STRBP: variants seen among roughly 807,000 people sequenced by gnomAD.
STRBP encodes the protein spermatid perinuclear RNA-binding protein.
In STRBP, 13 loss-of-function variants were observed where a neutral mutation model predicts 80.1. The observed-to-expected ratio is 0.16, with a 90% CI of 0.11 to 0.26. The LOEUF (loss-of-function observed/expected upper bound fraction) is 0.26. STRBP is among the 10% of genes least tolerant of loss of function. The probability of loss-of-function intolerance (pLI) is 1.00; values close to 1 mark genes in which losing one functional copy is unlikely to be tolerated. For missense variants in STRBP, 485 were observed against 815.2 expected, an observed-to-expected ratio of 0.59 and a Z score of 4.93; for synonymous variants, 284 against 291.2, an observed-to-expected ratio of 0.98 and a Z score of 0.25.
intron 1 of STRBP, among the ~76,000 whole-genome samples, chr9:123,254,252 G>C: frequency 6.6e-6 from 1 of 151,914 alleles, no homozygotes; most frequent in African/African-American, 2.4e-5. Context: ...TGCCAGTCAG[G>C]AGATCGAGAC....
intron 3 of STRBP, chr9:123,109,783 GTAA>G (rs1395983716): frequency 6.6e-6 from 1 of 152,200 alleles, no homozygotes; most frequent in Non-Finnish European, 1.5e-5. Flanking sequence ...AGTCCTACAT[GTAA>G]TAATTGCCTC....
downstream of STRBP, among the ~76,000 whole-genome samples, chr9:123,117,847 G>C (rs893668522): frequency 2.0e-5 from 3 of 152,186 alleles, no homozygotes; most frequent in Non-Finnish European, 4.4e-5. Flanking sequence ...ACATACCTCA[G>C]ATTTCACTGA....
chr9:123,137,878 T>C (rs1002846134), intron 14 of STRBP, among the ~76,000 whole-genome samples: 3 of 152,210 alleles, frequency 2.0e-5, no homozygotes, highest in Non-Finnish European at 4.4e-5. Flanking sequence ...CTCTTCTTGA[T>C]GAGTTTTTAT....
chr9:123,225,578 A>T (rs2132565015), intron 2 of STRBP, among the ~76,000 whole-genome samples: 1 of 152,358 alleles, frequency 6.6e-6, no homozygotes, highest in African/African-American at 2.4e-5. Flanking sequence ...CTGGGTCCTC[A>T]GAAAATCTAT....
chr9:123,160,280 T>C (rs2037469656), intron 8 of STRBP, 87 bp downstream of exon 8: 2 of 874,952 alleles, frequency 2.3e-6, no homozygotes, highest in Non-Finnish European at 3.4e-6. Context: ...ACTTAGGAGA[T>C]AGCCATTTTA....
At chr9:123,144,322 T>G (rs1194979312) in intron 13 of STRBP, among the ~76,000 whole-genome samples, 2 of 152,204 alleles carry the variant, frequency 1.3e-5, no homozygotes, top group East Asian at 3.8e-4. Flanking sequence ...TTTTGAGAAT[T>G]CATAATTTTT....
intron 13 of STRBP, among the ~76,000 whole-genome samples, chr9:123,146,420 C>T (rs1244151243): frequency 2.0e-5 from 3 of 150,968 alleles, no homozygotes; most frequent in Middle Eastern, 3.2e-3. Flanking sequence ...GCATGTTAAT[C>T]GTACCGCCAT....
At chr9:123,225,438 TGGTATACAC>T (rs1481651197) in intron 2 of STRBP, among the ~76,000 whole-genome samples, 1 of 152,208 alleles carries the variant, frequency 6.6e-6, no homozygotes, top group Non-Finnish European at 1.5e-5. Context: ...CTGGAGGTTG[TGGTATACAC>T]GTGTTATTTC....
intron 16 of STRBP, among the ~76,000 whole-genome samples, chr9:123,133,607 C>T (rs1484500491): frequency 1.3e-5 from 2 of 151,806 alleles, no homozygotes; most frequent in African/African-American, 2.4e-5. Context: ...GGTGCGATCT[C>T]GACTCACTGC....
intron 2 of STRBP, among the ~76,000 whole-genome samples, chr9:123,187,371 A>G (rs976824397): frequency 5.9e-5 from 9 of 152,120 alleles, no homozygotes; most frequent in Non-Finnish European, 1.2e-4. Context: ...TTTCTCACCC[A>G]TGAAATGGGC....
intron 2 of STRBP, among the ~76,000 whole-genome samples, chr9:123,226,243 A>G (rs2040231737): frequency 6.6e-6 from 1 of 152,242 alleles, no homozygotes; most frequent in Non-Finnish European, 1.5e-5. Context: ...GGAACTGACT[A>G]CATGGCACTG....
At chr9:123,181,309 T>C (rs1049356771) in intron 3 of STRBP, among the ~76,000 whole-genome samples, 4 of 152,232 alleles carry the variant, frequency 2.6e-5, no homozygotes, top group African/African-American at 9.6e-5. Context: ...TTGGAAATGC[T>C]AGGCTGTTAG....
chr9:123,161,717 T>C (rs956973357), intron 6 of STRBP, among the ~76,000 whole-genome samples: 1 of 152,178 alleles, frequency 6.6e-6, no homozygotes, highest in Non-Finnish European at 1.5e-5. Flanking sequence ...ACATTTCAAG[T>C]TTTACATGCC....
chr9:123,246,345 C>T (rs2040799371), intron 1 of STRBP, among the ~76,000 whole-genome samples: 1 of 152,198 alleles, frequency 6.6e-6, no homozygotes, highest in African/African-American at 2.4e-5. Flanking sequence ...AACCCACATA[C>T]CACATAATTC....
chr9:123,115,294 T>C lies in STRBP; in HGVS notation c.*84+635A>G. The C allele has an allele frequency of 2.1e-6, 1 of 471,108 alleles. No homozygotes were observed. 29.2% of individuals were successfully genotyped at this position (471,108 alleles called of 1,614,324 possible). On this transcript the variant is annotated intron_variant and NMD_transcript_variant, in intron 3 of 3. Transcript: ENST00000471564. The surrounding 1 kb of genome is among the most constrained non-coding windows in gnomAD (Gnocchi z 5.0). ...AAGCCTATCGCTCTTGGTAAATTAC[T>C]CAGTAAGCACTTCTCTCCTGAGGCC...
intron 2 of STRBP, among the ~76,000 whole-genome samples, chr9:123,214,850 A>G (rs1464668057): frequency 6.6e-6 from 1 of 152,242 alleles, no homozygotes; most frequent in Non-Finnish European, 1.5e-5. Flanking sequence ...GTGTATATAT[A>G]TGTACAAAAT....
chr9:123,164,552 G>T (rs1360153062), intron 6 of STRBP, among the ~76,000 whole-genome samples: 4 of 152,138 alleles, frequency 2.6e-5, no homozygotes, highest in African/African-American at 9.7e-5. Context: ...ATGCAAGCTA[G>T]CTATCTGTCC....
At chr9:123,256,697 T>C (rs2041038654) in intron 1 of STRBP, among the ~76,000 whole-genome samples, 1 of 152,072 alleles carries the variant, frequency 6.6e-6, no homozygotes, top group South Asian at 2.1e-4. Context: ...TGGGCACCAA[T>C]CCTAGACAGA....
At chr9:123,193,894 G>GT (rs1564286363) in intron 2 of STRBP, among the ~76,000 whole-genome samples, 1 of 152,098 alleles carries the variant, frequency 6.6e-6, no homozygotes, top group Non-Finnish European at 1.5e-5. Context: ...AGAAAAAAAA[G>GT]TATCACATAA....
Sources: allele counts gnomAD v4.1 joint callset (sites outside exome capture counted in the v4.1 genomes callset), GRCh38; gene constraint gnomAD v4.1.1; non-coding constraint Gnocchi (gnomAD v3.1); transcripts MANE v1.5; gene names NCBI Gene and HGNC (gene_info 2026-07-23, HGNC 2026-07-21).